Variants in SEC16B observed in about 807,000 individuals in gnomAD.
SEC16B encodes the protein protein transport protein Sec16B.
SEC16B carries 115 observed loss-of-function variants against 141.8 expected under a neutral mutation model. The observed-to-expected ratio is 0.81, with a 90% confidence interval of 0.70 to 0.95. SEC16B has a LOEUF of 0.95. SEC16B is among the 40% of genes least tolerant of loss of function. SEC16B has a pLI of 0.00. For missense variants in SEC16B, 1,291 were observed against 1,312.3 expected (o/e 0.98, Z 0.25); for synonymous variants, 493 against 492.5 (o/e 1.00, Z -0.01).
At chr1:177,954,700 A>G (rs1411356962) in intron 10 of SEC16B, among the ~76,000 whole-genome samples, 2 of 152,216 alleles carry the variant, frequency 1.3e-5, no homozygotes, top group Admixed American at 6.5e-5. Flanking sequence ...GTAAATACCA[A>G]TGTATAGTAC....
chr1:177,942,725 G>A (rs192809647), intron 15 of SEC16B, among the ~76,000 whole-genome samples: 5 of 152,190 alleles, frequency 3.3e-5, no homozygotes, highest in Admixed American at 2.6e-4. Flanking sequence ...CTAATGGAGA[G>A]TACTGAGAAA....
chr1:177,971,230 T>A (rs890499795), upstream of SEC16B, among the ~76,000 whole-genome samples: 1 of 152,052 alleles, frequency 6.6e-6, no homozygotes, highest in African/African-American at 2.4e-5. Context: ...TACAGGTGCG[T>A]GCCACCACCC....
chr1:177,932,947 C>A, intron 22 of SEC16B, 141 bp from the exon 23 acceptor site: 1 of 793,552 alleles, frequency 1.3e-6, no homozygotes, highest in South Asian at 1.6e-5. Context: ...CCCTCCTCAT[C>A]CCACTCTTCT....
intron 15 of SEC16B, 101 bp downstream of exon 15, chr1:177,944,460 A>T: frequency 2.4e-6 from 2 of 834,400 alleles, no homozygotes; most frequent in Non-Finnish European, 4.0e-6. Flanking sequence ...TTCAGTAGAT[A>T]ACTTAGCCCC....
intron 15 of SEC16B, among the ~76,000 whole-genome samples, chr1:177,944,148 C>A (rs1023300517): frequency 2.0e-5 from 3 of 152,132 alleles, no homozygotes; most frequent in African/African-American, 7.2e-5. Flanking sequence ...AGAAGGAGTG[C>A]GGAGCAGAGG....
At chr1:177,963,544 A>G (rs1653255853) in intron 5 of SEC16B, among the ~76,000 whole-genome samples, 1 of 152,212 alleles carries the variant, frequency 6.6e-6, no homozygotes, top group Non-Finnish European at 1.5e-5. Context: ...TGAAGGTGGC[A>G]GTAAGCCGAG....
At chr1:177,936,523 C>G (rs771622800) in intron 19 of SEC16B, among the ~76,000 whole-genome samples, 158 bp from the exon 20 acceptor site, 1 of 152,200 alleles carries the variant, frequency 6.6e-6, no homozygotes, top group Non-Finnish European at 1.5e-5. Context: ...AGAATGCTCA[C>G]GTAGCTCATC....
chr1:177,974,579 T>C (rs1654094483), upstream of SEC16B, among the ~76,000 whole-genome samples: 2 of 149,820 alleles, frequency 1.3e-5, no homozygotes, highest in African/African-American at 5.0e-5. Context: ...GATCACTGGA[T>C]TTGACAATTA....
intron 20 of SEC16B, 86 bp downstream of exon 20, chr1:177,936,212 T>G: frequency 9.7e-7 from 1 of 1,029,314 alleles, no homozygotes; most frequent in Admixed American, 2.0e-5. Context: ...AGGAGGAGCT[T>G]GCATGTGGCT....
chr1:177,950,826 C>T (rs1343808047), intron 12 of SEC16B, among the ~76,000 whole-genome samples: 1 of 142,840 alleles, frequency 7.0e-6, no homozygotes, highest in Non-Finnish European at 1.5e-5. Context: ...GTAAGAGACA[C>T]CAGTGAAAAC....
chr1:177,967,760 G>T lies in SEC16B; in HGVS notation c.222C>A (p.Ser74=). The part of the protein sequence containing the change: ...ADHQQQPHYA[S]RPGDWHQPVS... ...CAGGCTGATGCCAGTCCCCTGGCCTGGATGCATAATGGGGCTGCTGCTGAT... is the reference window on the plus strand; with the variant it reads ...CAGGCTGATGCCAGTCCCCTGGCCTTGATGCATAATGGGGCTGCTGCTGAT... The change falls in exon 2 of 26, where the codon TCC becomes TCA. Residue 74 remains serine (S), a synonymous_variant. Coordinates refer to ENST00000308284, the MANE Select transcript of SEC16B (RefSeq NM_033127.4). The T allele has an allele frequency of 6.2e-7, 1 of 1,613,964 alleles. No individual in the cohort carries two copies. The highest frequency in any genetic ancestry group is 8.5e-7 in the Non-Finnish European group (1 of 1,179,874).
chr1:177,941,963 A>T lies in SEC16B; in HGVS notation c.1959T>A (p.Ile653=). 1 of 1,614,058 alleles carries T rather than the reference A, an allele frequency of 6.2e-7. No homozygotes were observed. ...CTCCCTGGCTCAAGACAGCTGCACC[A>T]ATGGCTTCGCAGTAATGCAAAGCCT... ...VSQALHYCEA[I]GAAVLSQGES... is the part of the protein sequence containing the mutation. Residue 653 remains isoleucine, a synonymous_variant, in exon 16 of 26, where the codon ATT becomes ATA. Transcript: ENST00000308284.
At chr1:177,946,139 G>A (rs927193715) in intron 14 of SEC16B, 6 of 579,868 alleles carry the variant, frequency 1.0e-5, no homozygotes, top group Non-Finnish European at 1.8e-5. Context: ...GTGGAGCCAG[G>A]GTGCCACCCA....
intron 1 of SEC16B, among the ~76,000 whole-genome samples, chr1:177,977,436 A>G (rs1260781809): frequency 2.0e-5 from 3 of 152,214 alleles, no homozygotes; most frequent in Non-Finnish European, 4.4e-5. Context: ...GATAAAAAAT[A>G]TCATATTATA....
At position 177,961,642 on chromosome 1, in the gene SEC16B, G is replaced by A. The variant is rs767896971; in HGVS notation, c.735C>T (p.Ala245=). The A allele has an allele frequency of 3.1e-6, 5 of 1,613,932 alleles. No homozygotes were observed. The highest frequency in any genetic ancestry group is 1.7e-5 in the Admixed American group (1 of 60,006). ...SYELSQYIRD[A]PERDDPPASA... ...AAGCTGGGGGATCATCCCGCTCCGG[G>A]GCATCTCTGATGTACTGACTGAGCT... is the stretch of plus-strand genomic sequence containing the variant. Residue 245 remains alanine (A), a synonymous_variant, in exon 6 of 26, where the codon GCC becomes GCT. Coordinates refer to ENST00000308284, the MANE Select transcript of SEC16B (RefSeq NM_033127.4).
chr1:177,933,182 GA>G (rs781235882), intron 22 of SEC16B, 31 bp downstream of exon 22: 19 of 1,524,640 alleles, frequency 1.2e-5, no homozygotes, highest in Non-Finnish European at 1.7e-5. Context: ...GACCCACAGA[GA>G]GGGGCATCCT....
In SEC16B at chr1:177,937,209, C is replaced by G. The variant is rs1294149860; in HGVS notation, c.2503+5G>C. 1.9e-6 allele frequency: 3 copies of G among 1,605,830 alleles called. No individual in the cohort carries two copies. Among genetic ancestry groups the G allele is most frequent in the Non-Finnish European group, 2.6e-6 (3 of 1,176,078 alleles). ...AATGTGGCCACCCTAGCGGCCAGGT[C>G]TTACCAGGGCCCAGGTGTGTCTGCA... On this transcript the variant is annotated splice_donor_5th_base_variant and intron_variant, in intron 19 of 25. Coordinates refer to ENST00000308284, the MANE Select transcript of SEC16B (RefSeq NM_033127.4).
In SEC16B at chr1:177,958,344, T is replaced by C. The variant is rs34857388; in HGVS notation, c.1153A>G (p.Ile385Val). The C allele has an allele frequency of 8.5e-3, 13,577 of 1,599,718 alleles. 74 individuals carry two copies. The highest frequency in any genetic ancestry group is 0.011 in the Non-Finnish European group (12,641 of 1,172,872). Residue 385 changes from isoleucine (I) to valine (V), a missense_variant, in exon 10 of 26, where the codon ATC becomes GTC. Ile to Val is a conservative substitution (Grantham distance 29). Transcript: ENST00000308284. ...RQNGSMVGSD[I>V]AELLMQDCKK... ...CAGTCTTGCATTAGCAGCTCAGCGA[T>C]GTCAGACCCCACCATGGACTGTAAG...
intron 25 of SEC16B, 76 bp downstream of exon 25, chr1:177,930,469 T>C: frequency 1.1e-6 from 1 of 922,144 alleles, no homozygotes. Flanking sequence ...AATGGTAAAC[T>C]GGGATGATAA....
Sources: allele counts gnomAD v4.1 joint callset (sites outside exome capture counted in the v4.1 genomes callset), GRCh38; gene constraint gnomAD v4.1.1; transcripts MANE v1.5; gene names NCBI Gene and HGNC (gene_info 2026-07-23, HGNC 2026-07-21).